Variants in SDK1 observed in about 807,000 individuals in gnomAD.
SDK1 encodes protein sidekick-1.
SDK1 carries 157 observed loss-of-function variants against 245.5 expected under a neutral mutation model. That is an observed-to-expected ratio of 0.64 (90% CI 0.56 to 0.73). SDK1 has a LOEUF of 0.73. Ranked by LOEUF, SDK1 falls within the 30% of genes least tolerant of loss-of-function variation. The pLI is 0.00. For missense variants in SDK1, 3,583 were observed against 3,002.3 expected, an observed-to-expected ratio of 1.19 and a Z score of -4.52; for synonymous variants, 1,647 against 1,278.5, an observed-to-expected ratio of 1.29 and a Z score of -6.15.
rs1191310306 is a variant in SDK1, at chr7:3,950,998, C to T, written c.923C>T (p.Ser308Phe). The T allele has an allele frequency of 4.3e-6, 7 of 1,613,836 alleles. No homozygotes were observed. The East Asian group carries it at 1.1e-4, about 26-fold the overall frequency. Reference sequence around the variant, plus strand: ...GGCAACAGAAGTGTGGTGGCTGGATCCAGTGAGACCACCTTGGAATGTATA... The same window carrying T: ...GGCAACAGAAGTGTGGTGGCTGGATTCAGTGAGACCACCTTGGAATGTATA... ...PPGNRSVVAGSSETTLECIAS... is the reference protein window; with the variant it reads ...PPGNRSVVAGFSETTLECIAS... Residue 308 changes from serine to phenylalanine, a missense_variant, in exon 6 of 45, where the codon TCC becomes TTC. Coordinates refer to ENST00000404826, the MANE Select transcript of SDK1 (RefSeq NM_152744.4).
At chr7:3,639,370 A>C (rs1782574105) in intron 3 of SDK1, among the ~76,000 whole-genome samples, 1 of 152,192 alleles carries the variant, frequency 6.6e-6, no homozygotes, top group South Asian at 2.1e-4. Flanking sequence ...CGAAAAAGTG[A>C]ATGGGGTGCC....
intron 1 of SDK1, among the ~76,000 whole-genome samples, chr7:3,334,986 T>C (rs1253563767): frequency 6.6e-6 from 1 of 152,206 alleles, no homozygotes; most frequent in African/African-American, 2.4e-5. Context: ...TCATTTTTTT[T>C]CTTCTCTAAT....
intron 1 of SDK1, among the ~76,000 whole-genome samples, chr7:3,580,495 C>G (rs1172925257): frequency 1.3e-5 from 2 of 152,122 alleles, no homozygotes; most frequent in Admixed American, 6.5e-5. Context: ...GCCATCACAC[C>G]TAGAACCATC....
intron 1 of SDK1, among the ~76,000 whole-genome samples, chr7:3,548,708 AT>A (rs1779307980): frequency 6.6e-6 from 1 of 152,200 alleles, no homozygotes; most frequent in Non-Finnish European, 1.5e-5. Context: ...CATGTTTAAT[AT>A]CCCACTATTT....
intron 28 of SDK1, among the ~76,000 whole-genome samples, chr7:4,143,612 T>C (rs1278838629): frequency 6.6e-6 from 1 of 152,172 alleles, no homozygotes; most frequent in Non-Finnish European, 1.5e-5. Context: ...GTGTCCTTCC[T>C]TTGAAGGGCC....
At chr7:4,211,143 A>G (rs1784490128) in intron 38 of SDK1, among the ~76,000 whole-genome samples, 1 of 152,172 alleles carries the variant, frequency 6.6e-6, no homozygotes, top group Non-Finnish European at 1.5e-5. Flanking sequence ...CTCGGGCCCA[A>G]TCCCCCGTCT....
At chr7:4,199,581 C>T (rs949149982) in intron 35 of SDK1, among the ~76,000 whole-genome samples, 3 of 152,172 alleles carry the variant, frequency 2.0e-5, no homozygotes, top group South Asian at 2.1e-4. Context: ...TCCTCCTTTT[C>T]CTATGGAAAC....
At chr7:3,670,013 G>A (rs1345330561) in intron 4 of SDK1, among the ~76,000 whole-genome samples, 2 of 152,120 alleles carry the variant, frequency 1.3e-5, no homozygotes, top group African/African-American at 4.8e-5. Context: ...TCAATCACCA[G>A]TTTCTCTTAT....
At chr7:4,010,644 G>A (rs6942556) in intron 14 of SDK1, among the ~76,000 whole-genome samples, 43,287 of 152,106 alleles carry the variant, frequency 0.28, 8,051 homozygotes, top group African/African-American at 0.54. Flanking sequence ...GTGAGCCGAC[G>A]GAGAACTTTC....
At chr7:3,308,270 TAAAA>T (rs980430659) in intron 1 of SDK1, among the ~76,000 whole-genome samples, 4 of 152,128 alleles carry the variant, frequency 2.6e-5, no homozygotes, top group Admixed American at 1.3e-4. Flanking sequence ...GTGAGAAACT[TAAAA>T]AGATATGAGA....
At chr7:3,560,693 C>T (rs1562563602) in intron 1 of SDK1, among the ~76,000 whole-genome samples, 1 of 152,118 alleles carries the variant, frequency 6.6e-6, no homozygotes, top group Non-Finnish European at 1.5e-5. Flanking sequence ...CCAGTGGCCA[C>T]CCATTTAAAC....
chr7:4,237,317 G>A (rs1317565024), intron 41 of SDK1, among the ~76,000 whole-genome samples: 1 of 152,026 alleles, frequency 6.6e-6, no homozygotes, highest in South Asian at 2.1e-4. Context: ...AGGAAGGGCG[G>A]TTTTGATGGG....
intron 7 of SDK1, among the ~76,000 whole-genome samples, chr7:3,956,318 A>G (rs1028121484): frequency 6.6e-6 from 1 of 152,134 alleles, no homozygotes; most frequent in Non-Finnish European, 1.5e-5. Flanking sequence ...TAGGCTTGGC[A>G]TTTCCTCCGG....
chr7:3,930,274 T>G (rs1779927483), intron 5 of SDK1, among the ~76,000 whole-genome samples: 1 of 152,210 alleles, frequency 6.6e-6, no homozygotes, highest in Non-Finnish European at 1.5e-5. Context: ...ACATGCCCTT[T>G]TCTTCGAATA....
intron 4 of SDK1, among the ~76,000 whole-genome samples, chr7:3,687,772 T>G (rs1248656818): frequency 6.6e-6 from 1 of 151,988 alleles, no homozygotes; most frequent in Non-Finnish European, 1.5e-5. Flanking sequence ...ACACAAGAGG[T>G]CCTTGCGGTG....
At chr7:4,182,706 A>C (rs1441540382) in intron 35 of SDK1, among the ~76,000 whole-genome samples, 1 of 152,204 alleles carries the variant, frequency 6.6e-6, no homozygotes, top group Non-Finnish European at 1.5e-5. Flanking sequence ...CTCATGTTCT[A>C]AGCTGGTCTT....
chr7:4,116,449 C>T lies in SDK1; in HGVS notation c.3823+2175C>T, dbSNP rs573457906. 2.0e-4 allele frequency among the ~76,000 whole-genome samples: 31 copies of T among 152,300 alleles called. No homozygotes were observed. In the East Asian group the frequency reaches 2.5e-3, roughly 12 times the overall value. The stretch of plus-strand genomic sequence containing the variant: ...GTGCCACCCGCTCTGTGTGCCACAG[C>T]GTGGAAGGGCCTGGGAAGCTCTGGA... On this transcript the variant is annotated intron_variant, in intron 25 of 44. Transcript: ENST00000404826.
chr7:4,013,337 G>A (rs574258694), intron 16 of SDK1, among the ~76,000 whole-genome samples: 2 of 152,316 alleles, frequency 1.3e-5, no homozygotes, highest in African/African-American at 4.8e-5. Context: ...AAGCAGAATT[G>A]CATAATAATT....
chr7:4,152,769 C>T (rs1001124392), intron 30 of SDK1, among the ~76,000 whole-genome samples: 5 of 152,244 alleles, frequency 3.3e-5, no homozygotes, highest in Non-Finnish European at 7.3e-5. Context: ...CTACATTTTA[C>T]TTTCACCAGT....
Sources: gnomAD v4.1 joint callset for allele counts (sites outside exome capture counted in the v4.1 genomes callset) on GRCh38, gnomAD v4.1.1 for gene constraint, MANE v1.5 for transcripts, NCBI Gene and HGNC (gene_info 2026-07-23, HGNC 2026-07-21) for gene names.